Variants in LEPR observed in about 807,000 individuals in gnomAD.
LEPR encodes OB receptor.
Under a neutral mutation model 114.7 loss-of-function variants are expected in LEPR, and 56 were observed. The ratio of observed to expected loss-of-function variants is 0.49; its 90% CI spans 0.39 to 0.61. The LOEUF (loss-of-function observed/expected upper bound fraction) is 0.61. Among genes scored for constraint, LEPR ranks in the 20% least tolerant of loss-of-function variants. The pLI, the probability that LEPR is intolerant of heterozygous loss-of-function variation, is 0.00. For synonymous variants in LEPR, 443 were observed against 461.4 expected (o/e 0.96, Z 0.51); for missense variants, 1,202 against 1,352.9 (o/e 0.89, Z 1.75).
chr1:65,456,194 G>A (rs1646873431), intron 2 of LEPR, among the ~76,000 whole-genome samples: 1 of 152,020 alleles, frequency 6.6e-6, no homozygotes, highest in African/African-American at 2.4e-5. Flanking sequence ...GCACTCCCTA[G>A]TGAGATGAAC....
chr1:65,565,330 C>T (rs888743860), intron 2 of LEPR, among the ~76,000 whole-genome samples: 4 of 152,042 alleles, frequency 2.6e-5, no homozygotes, highest in Non-Finnish European at 4.4e-5. Context: ...TAAATTTTTT[C>T]GACTTGTATT....
At chr1:65,482,218 C>A (rs1449844585) in intron 2 of LEPR, among the ~76,000 whole-genome samples, 2 of 151,360 alleles carry the variant, frequency 1.3e-5, no homozygotes, top group African/African-American at 4.9e-5. Context: ...ATTAAAAATA[C>A]CAGAATTAAT....
chr1:65,435,682 A>G (rs1436988159), intron 2 of LEPR: 1 of 985,314 alleles, frequency 1.0e-6, no homozygotes, highest in Non-Finnish European at 1.2e-6. Flanking sequence ...GTGCCTTTGC[A>G]AAGTTTGCGA....
At chr1:65,506,748 C>T (rs1208909268) in intron 2 of LEPR, among the ~76,000 whole-genome samples, 1 of 152,046 alleles carries the variant, frequency 6.6e-6, no homozygotes, top group Non-Finnish European at 1.5e-5. Flanking sequence ...TCAAATCAGG[C>T]TAATTAGCAT....
At chr1:65,614,282 C>A (rs1657392920) in intron 14 of LEPR, among the ~76,000 whole-genome samples, 1 of 152,206 alleles carries the variant, frequency 6.6e-6, no homozygotes, top group Non-Finnish European at 1.5e-5. Flanking sequence ...ACTCCTCGAA[C>A]TTCATAGCAC....
intron 2 of LEPR, among the ~76,000 whole-genome samples, chr1:65,455,139 C>A: frequency 6.6e-6 from 1 of 152,174 alleles, no homozygotes; most frequent in Non-Finnish European, 1.5e-5. Context: ...TCCATCAGCT[C>A]CTTTAAGCAC....
intron 19 of LEPR, among the ~76,000 whole-genome samples, chr1:65,630,665 C>T (rs1453767102): frequency 6.6e-6 from 1 of 151,086 alleles, no homozygotes; most frequent in Non-Finnish European, 1.5e-5. Flanking sequence ...ACATCTCTTA[C>T]CTTTTATCTC....
Position 65,500,180 on chromosome 1 carries a change from A to T in LEPR, c.-20-65366A>T, listed in dbSNP as rs538480288. ...ATTGTAAGTTTCCTGAGGCCTCCTCAGCCATGTGGAACTGTGAGTCCATTA... is the reference window on the plus strand; with the variant it reads ...ATTGTAAGTTTCCTGAGGCCTCCTCTGCCATGTGGAACTGTGAGTCCATTA... On this transcript the variant is annotated intron_variant, in intron 2 of 19. Transcript: ENST00000349533. Among the ~76,000 whole-genome samples, 14 of 152,186 alleles carry T rather than the reference A, an allele frequency of 9.2e-5. No individual in the cohort carries two copies. In the Middle Eastern group the frequency reaches 0.01, roughly 111 times the overall value.
intron 2 of LEPR, among the ~76,000 whole-genome samples, chr1:65,429,539 C>T (rs1317768459): frequency 6.6e-6 from 1 of 152,106 alleles, no homozygotes; most frequent in Non-Finnish European, 1.5e-5. Context: ...CTACTATGTT[C>T]TATAGGGAAG....
chr1:65,461,215 T>C (rs973747722), intron 2 of LEPR, among the ~76,000 whole-genome samples: 1 of 152,088 alleles, frequency 6.6e-6, no homozygotes, highest in South Asian at 2.1e-4. Context: ...CCTCAAGATA[T>C]CCGCCTGCCT....
In LEPR at chr1:65,592,773, A is replaced by G. The variant is rs146442768; in HGVS notation, c.611A>G (p.Lys204Arg). The G allele has an allele frequency of 2.4e-4, 390 of 1,613,276 alleles. No individual in the cohort carries two copies. Among genetic ancestry groups the G allele is most frequent in the Non-Finnish European group, 3.0e-4 (354 of 1,179,522 alleles). Residue 204 changes from lysine to arginine, a missense_variant, in exon 6 of 20, where the codon AAA (lysine) becomes AGA (arginine). Coordinates refer to ENST00000349533, the MANE Select transcript of LEPR (RefSeq NM_002303.6). ...CECLVPVPTAKLNDTLLMCLK... is the reference protein window; with the variant it reads ...CECLVPVPTARLNDTLLMCLK... ...TGTCTTGTGCCTGTGCCAACAGCCA[A>G]ACTCAACGACACTCTCCTTATGTGT...
rs1251778815 is a variant in LEPR at position 65,639,096 on chromosome 1, G to A, written c.*2081G>A. On this transcript the variant is annotated 3_prime_UTR_variant, in exon 20 of 20. Transcript: ENST00000349533. ...GTATTCTCCTGTGATCTGGGACCCA[G>A]AATAACAGGAAAGAGAAACTGATAG... is the stretch of plus-strand genomic sequence containing the variant. 1 of 152,166 alleles carries A rather than the reference G, an allele frequency of 6.6e-6. No individual in the cohort carries two copies. The highest frequency in any genetic ancestry group is 2.4e-5 in the African/African-American group (1 of 41,422). The allele number at this position is 152,166 out of a possible 1,614,324, so 9.4% of individuals were successfully genotyped here. A position where few individuals can be genotyped will look rare whatever the true frequency, so the allele number is the denominator to read the frequency against.
At chr1:65,605,670 A>G (rs1656760065) in intron 11 of LEPR, among the ~76,000 whole-genome samples, 1 of 152,226 alleles carries the variant, frequency 6.6e-6, no homozygotes, top group South Asian at 2.1e-4. Context: ...TATGTAGGGC[A>G]CAGAAGCATT....
At chr1:65,437,612 T>C (rs1253401169) in intron 2 of LEPR, among the ~76,000 whole-genome samples, 1 of 151,132 alleles carries the variant, frequency 6.6e-6, no homozygotes, top group Non-Finnish European at 1.5e-5. Flanking sequence ...GCCACTGCAC[T>C]CTAGCCTAGG....
chr1:65,433,372 T>C (rs1304436393), intron 2 of LEPR: 1 of 985,450 alleles, frequency 1.0e-6, no homozygotes. Flanking sequence ...GGTATACCTG[T>C]CATGTTGGAT....
chr1:65,437,436 CAT>C (rs1279847262), intron 2 of LEPR, among the ~76,000 whole-genome samples: 1 of 151,620 alleles, frequency 6.6e-6, no homozygotes, highest in Non-Finnish European at 1.5e-5. Flanking sequence ...GTTTTTCAGA[CAT>C]AAAAAGGAAT....
In LEPR at chr1:65,605,165, A is replaced by G. The variant is rs559909232; in HGVS notation, c.1531A>G (p.Met511Val). ...QPIFLLSGYT[M>V]WIRINHSLGS... ...AATCTTCCTATTATCTGGCTACACA[A>G]TGTGGATTAGGATCAATCACTCTCT... The change falls in exon 11 of 20, where the codon ATG (methionine) becomes GTG (valine). Residue 511 changes from methionine to valine, a missense_variant. Met to Val is a conservative substitution (Grantham distance 21). Transcript: ENST00000349533. 6.8e-6 allele frequency: 11 copies of G among 1,614,116 alleles called. No homozygotes were observed. In the African/African-American group the frequency reaches 8.0e-5, roughly 12 times the overall value.
At chr1:65,433,820 A>AT (rs1341273594) in intron 2 of LEPR, 2 of 982,294 alleles carry the variant, frequency 2.0e-6, no homozygotes, top group African/African-American at 1.7e-5. Context: ...TAACTTTAAA[A>AT]TTTTTTTGTG....
In LEPR at chr1:65,464,661, T is replaced by G. The variant is rs144164186; in HGVS notation, c.-21+39283T>G. ...CTGTGAATCCATCTGGTCCTGGACTTTTTTTGGTTGATAGGCTATTAATTA... is the reference window on the plus strand; with the variant it reads ...CTGTGAATCCATCTGGTCCTGGACTGTTTTTGGTTGATAGGCTATTAATTA... On this transcript the variant is annotated intron_variant, in intron 2 of 19. Coordinates refer to ENST00000349533, the MANE Select transcript of LEPR (RefSeq NM_002303.6). Among the ~76,000 whole-genome samples the G allele has an allele frequency of 6.4e-4, 97 of 152,330 alleles. No individual in the cohort carries two copies. The East Asian group carries it at 0.015, about 23-fold the overall frequency.
Sources: gnomAD v4.1 joint callset for allele counts (sites outside exome capture counted in the v4.1 genomes callset) on GRCh38, gnomAD v4.1.1 for gene constraint, MANE v1.5 for transcripts, NCBI Gene and HGNC (gene_info 2026-07-23, HGNC 2026-07-21) for gene names.